The following ZNF461 variants were observed in gnomAD, a reference collection of about 807,000 sequenced individuals.
ZNF461 encodes gonadotropin-inducible ovarian transcription factor-1.
A neutral mutation model predicts 18.3 loss-of-function variants in ZNF461; 16 were observed. That is an observed-to-expected ratio of 0.88 (90% CI 0.59 to 1.33). The LOEUF (loss-of-function observed/expected upper bound fraction) is 1.33. ZNF461 is among the 40% of genes most tolerant of loss of function. The probability of loss-of-function intolerance (pLI) is 0.00; values close to 1 mark genes in which losing one functional copy is unlikely to be tolerated. For synonymous variants in ZNF461, 179 were observed against 216.9 expected (o/e 0.83, Z 1.54); for missense variants, 595 against 669.9 (o/e 0.89, Z 1.23).
chr19:36,661,795 A>G (rs1185344696), intron 2 of ZNF461, among the ~76,000 whole-genome samples: 2 of 152,174 alleles, frequency 1.3e-5, no homozygotes, highest in Admixed American at 6.5e-5. Flanking sequence ...AAAAGCAACT[A>G]GACATTTTTT....
chr19:36,646,509 A>G (rs963228525), intron 4 of ZNF461, among the ~76,000 whole-genome samples: 2 of 152,184 alleles, frequency 1.3e-5, no homozygotes, highest in African/African-American at 4.8e-5. Flanking sequence ...TTACCTGATT[A>G]GATTCGTGGT....
chr19:36,661,466 G>A (rs886440563), intron 2 of ZNF461, among the ~76,000 whole-genome samples: 2 of 151,010 alleles, frequency 1.3e-5, no homozygotes, highest in South Asian at 4.2e-4. Context: ...AATCCAAGAC[G>A]AGGTAGGAAA....
At chr19:36,642,517 C>T (rs1174419467) in intron 5 of ZNF461, among the ~76,000 whole-genome samples, 2 of 151,992 alleles carry the variant, frequency 1.3e-5, no homozygotes, top group African/African-American at 4.8e-5. Flanking sequence ...CTCCAGACTC[C>T]AAAAGCATAT....
chr19:36,655,981 A>G (rs1361634784), intron 4 of ZNF461, among the ~76,000 whole-genome samples: 1 of 147,062 alleles, frequency 6.8e-6, no homozygotes, highest in Admixed American at 6.7e-5. Flanking sequence ...TTTCTATTCT[A>G]TTCCTTTAGA....
chr19:36,638,673 GGGGA>G lies in ZNF461; in HGVS notation c.1668_1671del (p.Pro557IlefsTer4). On this transcript the variant is annotated frameshift_variant, in exon 6 of 6. Transcript: ENST00000588268. LOFTEE classifies it high-confidence loss of function. ...AAATTTCATGATGCTAGACTAGGAT[GGGGA>G]GGGAGGAGAGGAAACCTGACTGGCT... The G allele has an allele frequency of 6.2e-7, 1 of 1,610,464 alleles. No individual in the cohort carries two copies. The highest frequency in any genetic ancestry group is 8.5e-7 in the Non-Finnish European group (1 of 1,177,606).
intron 5 of ZNF461, chr19:36,643,583 C>G (rs1193417434): frequency 2.9e-6 from 1 of 346,700 alleles, no homozygotes; most frequent in Non-Finnish European, 5.0e-6. Context: ...TACTTATTCT[C>G]TTACCACTGG....
At chr19:36,651,682 G>A (rs1012951452) in intron 4 of ZNF461, among the ~76,000 whole-genome samples, 12 of 152,142 alleles carry the variant, frequency 7.9e-5, no homozygotes, top group African/African-American at 2.9e-4. Context: ...AGAAATCAAG[G>A]AAAACAAAAA....
chr19:36,640,060 A>G lies in ZNF461; in HGVS notation c.302-17T>C, dbSNP rs1413883294. The G allele has an allele frequency of 1.3e-6, 2 of 1,577,906 alleles. No homozygotes were observed. Among genetic ancestry groups the G allele is most frequent in the African/African-American group, 1.4e-5 (1 of 73,298 alleles). On this transcript the variant is annotated splice_polypyrimidine_tract_variant and intron_variant, in intron 5 of 5. Transcript: ENST00000588268. Reference sequence around the variant, plus strand: ...ATGCCAAGTCTGAAAGATAAGAAATATATTTTAACTCCTGGTTTTGTACTA... The same window carrying G: ...ATGCCAAGTCTGAAAGATAAGAAATGTATTTTAACTCCTGGTTTTGTACTA...
chr19:36,656,674 GGAGAA>G, intron 3 of ZNF461, 131 bp from the exon 4 acceptor site: 1 of 681,878 alleles, frequency 1.5e-6, no homozygotes, highest in South Asian at 2.0e-5. Flanking sequence ...AGGAAATAAA[GGAGAA>G]GAGATGAAAC....
intron 5 of ZNF461, among the ~76,000 whole-genome samples, chr19:36,642,957 T>TG (rs1238556955): frequency 6.6e-6 from 1 of 151,888 alleles, no homozygotes; most frequent in Non-Finnish European, 1.5e-5. Flanking sequence ...TTAGTTGAGA[T>TG]GGGGTTTCAC....
chr19:36,656,497 C>T lies in ZNF461; in HGVS notation c.183G>A (p.Gly61=). 6.2e-7 allele frequency: 1 copy of T among 1,614,138 alleles called. No homozygotes were observed. Among genetic ancestry groups the T allele is most frequent in the Non-Finnish European group, 8.5e-7 (1 of 1,180,034 alleles). The change falls in exon 4 of 6, where the codon GGG becomes GGA. Residue 61 remains glycine, a synonymous_variant. Coordinates refer to ENST00000588268, the MANE Select transcript of ZNF461 (RefSeq NM_153257.5). The stretch of plus-strand genomic sequence containing the variant: ...CCCTCACAACCATCCAGGGCTCCTT[C>T]CCTTGCTCCAATGAGGAGATTACGG... ...KPAVISSLEQ[G]KEPWMVVREE...
At chr19:36,654,435 T>C (rs1256373046) in intron 4 of ZNF461, among the ~76,000 whole-genome samples, 1 of 152,132 alleles carries the variant, frequency 6.6e-6, no homozygotes, top group Non-Finnish European at 1.5e-5. Context: ...GGCAGAATCA[T>C]GGCTCTCTGC....
At chr19:36,658,491 G>A (rs1348274565) in intron 2 of ZNF461, 66 bp from the exon 3 acceptor site, 4 of 1,481,738 alleles carry the variant, frequency 2.7e-6, no homozygotes, top group Non-Finnish European at 3.7e-6. Flanking sequence ...GAAAAGAGAA[G>A]TGCTAAAAGA....
chr19:36,659,495 G>A (rs2145411339), intron 2 of ZNF461, among the ~76,000 whole-genome samples: 1 of 152,238 alleles, frequency 6.6e-6, no homozygotes, highest in South Asian at 2.1e-4. Flanking sequence ...CTGGTCTTGA[G>A]CTCCTGGGCT....
At position 36,637,666 on chromosome 19, in the gene ZNF461, C is replaced by T; in HGVS notation, c.*987G>A. 2 of 275,440 alleles carry T rather than the reference C, an allele frequency of 7.3e-6. 1 individual carries two copies. Among genetic ancestry groups the T allele is most frequent in the South Asian group, 6.4e-5 (2 of 31,020 alleles). The allele number at this position is 275,440 out of a possible 1,614,324, so 17.1% of individuals were successfully genotyped here. On this transcript the variant is annotated 3_prime_UTR_variant, in exon 6 of 6. Transcript: ENST00000588268. ...GAGCCAAGATTGCACCACTGGACTCCAGCCTGGGTGTGTCTCAAAAAAAAA... is the reference window on the plus strand; with the variant it reads ...GAGCCAAGATTGCACCACTGGACTCTAGCCTGGGTGTGTCTCAAAAAAAAA...
Position 36,639,286 on chromosome 19 carries a change from T to G in ZNF461, c.1059A>C (p.Gly353=). 6.2e-7 allele frequency: 1 copy of G among 1,613,540 alleles called. No individual in the cohort carries two copies. Among genetic ancestry groups the G allele is most frequent in the Admixed American group, 1.7e-5 (1 of 59,952 alleles). Residue 353 remains glycine (G), a synonymous_variant, in exon 6 of 6, where the codon GGA becomes GGC. Transcript: ENST00000588268. Reference sequence around the variant, plus strand: ...ATTCTTTACATTCATAAGGTTTCTCTCCAGTATGGAGTCGCAGGTGTTCAG... The same window carrying G: ...ATTCTTTACATTCATAAGGTTTCTCGCCAGTATGGAGTCGCAGGTGTTCAG... ...QLTEHLRLHT[G]EKPYECKECG... is the part of the protein sequence containing the mutation.
rs753085254 is a variant in ZNF461, at chr19:36,658,382, T to A, written c.53A>T (p.Glu18Val). Reference protein sequence around the residue: ...FRDVAIDVSQEEWECLNPAQR... With the variant: ...FRDVAIDVSQVEWECLNPAQR... ...CGCTGGGTTCAGGCATTCCCATTCC[T>A]CCTGAGAGACATCTATAGCCACATC... The change falls in exon 3 of 6, where the codon GAG becomes GTG. Residue 18 changes from glutamate (E) to valine (V), a missense_variant. Glu to Val is a moderately radical substitution (Grantham distance 121). Transcript: ENST00000588268. 2.5e-6 allele frequency: 4 copies of A among 1,611,718 alleles called. No homozygotes were observed. The highest frequency in any genetic ancestry group is 3.4e-6 in the Non-Finnish European group (4 of 1,178,672).
In ZNF461 at chr19:36,638,714, T is replaced by A; in HGVS notation, c.1631A>T (p.His544Leu). 6.2e-7 allele frequency: 1 copy of A among 1,613,864 alleles called. No individual in the cohort carries two copies. The highest frequency in any genetic ancestry group is 8.5e-7 in the Non-Finnish European group (1 of 1,179,812). Residue 544 changes from histidine to leucine, a missense_variant, in exon 6 of 6, where the codon CAT (histidine) becomes CTT (leucine). Physicochemically the swap from His to Leu is moderately conservative, Grantham distance 99. Coordinates refer to ENST00000588268, the MANE Select transcript of ZNF461 (RefSeq NM_153257.5). ...AAACCTGACTGGCTTCTCGCCAGTA[T>A]GAAGAGTCTGATGTAAGTTAAGTTG... is the stretch of plus-strand genomic sequence containing the variant. The part of the protein sequence containing the change: ...RLQLNLHQTL[H>L]TGEKPVRFPL...
chr19:36,663,853 A>G (rs1328107716), intron 2 of ZNF461, among the ~76,000 whole-genome samples: 3 of 152,056 alleles, frequency 2.0e-5, no homozygotes, highest in Non-Finnish European at 4.4e-5. Context: ...TATTTTGTTA[A>G]TTCTGTCTTG....
Sources: allele counts gnomAD v4.1 joint callset (sites outside exome capture counted in the v4.1 genomes callset), GRCh38; gene constraint gnomAD v4.1.1; transcripts MANE v1.5; gene names NCBI Gene and HGNC (gene_info 2026-07-23, HGNC 2026-07-21).